Variants in PYM1 observed in about 807,000 individuals in gnomAD.
PYM1 encodes partner of Y14 and mago.
In PYM1, 7 loss-of-function variants were observed where a neutral mutation model predicts 20.7. The observed-to-expected ratio is 0.34, with a 90% CI of 0.19 to 0.64. PYM1 has a LOEUF of 0.64. PYM1 is among the 30% of genes least tolerant of loss of function. The pLI is 0.74. For synonymous variants in PYM1, 100 were observed against 99.2 expected, an observed-to-expected ratio of 1.01 and a Z score of -0.05; for missense variants, 194 against 250.0, an observed-to-expected ratio of 0.78 and a Z score of 1.51.
At chr12:55,926,368 C>A (rs1367511496) in intron 1 of PYM1, among the ~76,000 whole-genome samples, 1 of 152,150 alleles carries the variant, frequency 6.6e-6, no homozygotes, top group Non-Finnish European at 1.5e-5. Context: ...TCTTCTCTAG[C>A]CAGAAGGAAT....
At chr12:55,915,910 T>G (rs1418434377) in intron 1 of PYM1, among the ~76,000 whole-genome samples, 1 of 152,234 alleles carries the variant, frequency 6.6e-6, no homozygotes, top group African/African-American at 2.4e-5. Flanking sequence ...TATTTAAGAA[T>G]GATTAGTAAA....
chr12:55,916,248 T>C (rs536855978), intron 1 of PYM1, among the ~76,000 whole-genome samples: 2 of 152,018 alleles, frequency 1.3e-5, no homozygotes, highest in East Asian at 3.9e-4. Flanking sequence ...GACAGGAGAA[T>C]TGCTTGAAGT....
Position 55,901,970 on chromosome 12 carries a change from C to T in PYM1, c.517G>A (p.Ala173Thr), listed in dbSNP as rs778238577. 6.2e-7 allele frequency: 1 copy of T among 1,614,146 alleles called. No homozygotes were observed. The highest frequency in any genetic ancestry group is 8.5e-7 in the Non-Finnish European group (1 of 1,180,024). ...TTGCTAGGCTGGCTGACTTCCCCAG[C>T]CTGGATCCGCTGCTGCAGCTCTTCC... ...QVEELQQRIQAGEVSQPSKEQ... is the reference protein window; with the variant it reads ...QVEELQQRIQTGEVSQPSKEQ... The change falls in exon 3 of 3, where the codon GCT becomes ACT. Residue 173 changes from alanine (A) to threonine (T), a missense_variant. By Grantham distance (58) the Ala-to-Thr change is moderately conservative (BLOSUM62 0). Transcript: ENST00000408946.
chr12:55,916,858 C>T (rs1381115629), intron 1 of PYM1, among the ~76,000 whole-genome samples: 1 of 152,088 alleles, frequency 6.6e-6, no homozygotes, highest in Non-Finnish European at 1.5e-5. Flanking sequence ...TGCCTCTAAT[C>T]CCAACACTTT....
At chr12:55,927,000 G>A in intron 1 of PYM1, 1 of 1,426,050 alleles carries the variant, frequency 7.0e-7, no homozygotes, top group Non-Finnish European at 9.3e-7. Flanking sequence ...GATGGGCGGG[G>A]CACAGACCCC....
At chr12:55,917,774 C>A (rs1883032653) in intron 1 of PYM1, among the ~76,000 whole-genome samples, 1 of 151,972 alleles carries the variant, frequency 6.6e-6, no homozygotes, top group Non-Finnish European at 1.5e-5. Flanking sequence ...CCAGCCTGGC[C>A]AACACGGTGA....
chr12:55,914,263 C>A, intron 1 of PYM1: 1 of 701,964 alleles, frequency 1.4e-6, no homozygotes, highest in South Asian at 1.5e-5. Context: ...AGCCCATTAT[C>A]ACAAAGGAGC....
intron 1 of PYM1, among the ~76,000 whole-genome samples, chr12:55,910,884 T>C (rs1346843167): frequency 2.0e-5 from 3 of 152,170 alleles, no homozygotes; most frequent in African/African-American, 4.8e-5. Flanking sequence ...GACAATTGGT[T>C]GAGTTTGTCT....
chr12:55,927,593 T>C (rs896879266), intron 1 of PYM1, 132 bp downstream of exon 1: 2 of 1,211,614 alleles, frequency 1.7e-6, no homozygotes, highest in African/African-American at 1.5e-5. Flanking sequence ...CTAGGGACGG[T>C]TGGAGACCCT....
At chr12:55,927,038 A>G in intron 1 of PYM1, 2 of 1,492,376 alleles carry the variant, frequency 1.3e-6, no homozygotes, top group Middle Eastern at 1.8e-4. Context: ...CTGCCCCGAG[A>G]GCCCGGAGAG....
At chr12:55,903,190 A>G (rs1460504211) in intron 2 of PYM1, among the ~76,000 whole-genome samples, 197 bp downstream of exon 2, 1 of 152,170 alleles carries the variant, frequency 6.6e-6, no homozygotes, top group Non-Finnish European at 1.5e-5. Flanking sequence ...ACAGAGGTCA[A>G]AAGTATAGGA....
chr12:55,927,487 A>G, intron 1 of PYM1: 1 of 691,770 alleles, frequency 1.4e-6, no homozygotes, highest in Non-Finnish European at 2.5e-6. Flanking sequence ...GAAGAAAGGA[A>G]GAATATCCAG....
intron 1 of PYM1, among the ~76,000 whole-genome samples, chr12:55,907,957 A>C (rs1379405810): frequency 1.3e-5 from 2 of 148,982 alleles, no homozygotes; most frequent in African/African-American, 5.0e-5. Flanking sequence ...AAAAATAAAA[A>C]ATAAGGCTGG....
At position 55,901,950 on chromosome 12, in the gene PYM1, A is replaced by C. The variant is rs7302270; in HGVS notation, c.537T>G (p.Pro179=). 59 of 1,614,118 alleles carry C rather than the reference A, an allele frequency of 3.7e-5. No homozygotes were observed. The highest frequency in any genetic ancestry group is 4.9e-5 in the Non-Finnish European group (58 of 1,180,046). ...QRIQAGEVSQ[P]SKEQLEKLAR... The stretch of plus-strand genomic sequence containing the variant: ...CTAGCTTTTCTAGCTGCTCTTTGCT[A>C]GGCTGGCTGACTTCCCCAGCCTGGA... The change falls in exon 3 of 3, where the codon CCT becomes CCG. Residue 179 remains proline (P), a synonymous_variant. Coordinates refer to ENST00000408946, the MANE Select transcript of PYM1 (RefSeq NM_032345.3).
At position 55,901,833 on chromosome 12, in the gene PYM1, C is replaced by T. The variant is rs767648269; in HGVS notation, c.*39G>A. 3.5e-5 allele frequency: 55 copies of T among 1,555,050 alleles called. No homozygotes were observed. The highest frequency in any genetic ancestry group is 8.6e-5 in the South Asian group (7 of 81,640). On this transcript the variant is annotated 3_prime_UTR_variant, in exon 3 of 3. Coordinates refer to ENST00000408946, the MANE Select transcript of PYM1 (RefSeq NM_032345.3). ...TTCCCCCAGACCCCAGAGAGCCCCA[C>T]GGTTTGTTCTGCAGTCCATTCCCTA... is the stretch of plus-strand genomic sequence containing the variant.
intron 1 of PYM1, among the ~76,000 whole-genome samples, chr12:55,904,164 G>A (rs938460921): frequency 3.3e-5 from 5 of 151,684 alleles, no homozygotes; most frequent in African/African-American, 9.7e-5. Context: ...AATGGGTTTC[G>A]CCATGTCAGC....
chr12:55,923,860 G>A (rs375098913), intron 1 of PYM1, among the ~76,000 whole-genome samples: 2 of 151,992 alleles, frequency 1.3e-5, no homozygotes, highest in Non-Finnish European at 2.9e-5. Context: ...GGCAGATCAC[G>A]AGGTCAGGAG....
chr12:55,904,941 G>A (rs994187605), intron 1 of PYM1, among the ~76,000 whole-genome samples: 6 of 151,754 alleles, frequency 4.0e-5, no homozygotes, highest in Non-Finnish European at 5.9e-5. Flanking sequence ...TTTTATTTCA[G>A]GACCCCCTTT....
intron 1 of PYM1, among the ~76,000 whole-genome samples, chr12:55,926,225 T>C (rs1323350437): frequency 6.6e-6 from 1 of 152,214 alleles, no homozygotes; most frequent in Non-Finnish European, 1.5e-5. Context: ...ATTACTACTA[T>C]GCATATTTTC....
Sources: gnomAD v4.1 joint callset for allele counts (sites outside exome capture counted in the v4.1 genomes callset) on GRCh38, gnomAD v4.1.1 for gene constraint, MANE v1.5 for transcripts, NCBI Gene and HGNC (gene_info 2026-07-23, HGNC 2026-07-21) for gene names.